The following COL4A6 variants were observed in gnomAD, a reference collection of about 807,000 sequenced individuals.
The protein encoded by COL4A6 is collagen type IV alpha 6 chain, also known as collagen alpha-6(IV) chain.
Under a neutral mutation model 126.7 loss-of-function variants are expected in COL4A6, and 59 were observed. The observed-to-expected ratio is 0.47, with a 90% confidence interval of 0.38 to 0.58. The LOEUF (loss-of-function observed/expected upper bound fraction) is 0.58, where lower values mean the gene tolerates loss of function less well. COL4A6 is among the 20% of genes least tolerant of loss of function. The pLI is 0.00. For synonymous variants in COL4A6, 547 were observed against 496.6 expected, an observed-to-expected ratio of 1.10 and a Z score of -1.35; for missense variants, 1,285 against 1,337.3, an observed-to-expected ratio of 0.96 and a Z score of 0.61.
At chrX:108,366,293 C>G (rs1450835192) in intron 2 of COL4A6, among the ~76,000 whole-genome samples, 1 of 111,745 alleles carries the variant, frequency 8.9e-6, no homozygotes, top group Non-Finnish European at 1.9e-5. Flanking sequence ...TCAAGGTTAT[C>G]CAAATTTGGA....
At chrX:108,298,178 TG>T (rs1213901618) in intron 3 of COL4A6, among the ~76,000 whole-genome samples, 1 of 110,441 alleles carries the variant, frequency 9.1e-6, no homozygotes, top group South Asian at 4.0e-4. Flanking sequence ...ATACTTTTGT[TG>T]GGGGGAATGA....
intron 3 of COL4A6, among the ~76,000 whole-genome samples, chrX:108,224,729 G>C: frequency 8.9e-6 from 1 of 112,073 alleles, no homozygotes. Context: ...TGTGCTTATA[G>C]CTGTATGATC....
At chrX:108,167,717 T>C (rs1266412870) in intron 37 of COL4A6, among the ~76,000 whole-genome samples, 3 of 110,773 alleles carry the variant, frequency 2.7e-5, no homozygotes, top group Non-Finnish European at 3.8e-5. Context: ...CCTGTGGGGG[T>C]GGGGTGGGGC....
chrX:108,214,010 G>A (rs1271431008), intron 6 of COL4A6, 102 bp downstream of exon 6: 10 of 643,594 alleles, frequency 1.6e-5, no homozygotes, highest in Non-Finnish European at 2.3e-5. Context: ...GTGTGTAGTG[G>A]CTGCCCCACA....
chrX:108,227,713 C>T (rs767574185), intron 3 of COL4A6, among the ~76,000 whole-genome samples: 8 of 111,679 alleles, frequency 7.2e-5, no homozygotes, highest in Middle Eastern at 4.7e-3. Flanking sequence ...TAGCAGGCTT[C>T]GGAGAGAATA....
intron 41 of COL4A6, among the ~76,000 whole-genome samples, 166 bp downstream of exon 41, chrX:108,162,726 G>C (rs1408006029): frequency 1.8e-5 from 2 of 111,801 alleles, no homozygotes; most frequent in African/African-American, 3.3e-5. Flanking sequence ...CACCCTGCTG[G>C]TCCTGCTGGC....
At chrX:108,283,286 A>G (rs1462302695) in intron 3 of COL4A6, among the ~76,000 whole-genome samples, 5 of 111,987 alleles carry the variant, frequency 4.5e-5, no homozygotes, top group Non-Finnish European at 9.4e-5. Flanking sequence ...CTAGATGATA[A>G]CTAAAGGTCC....
chrX:108,359,518 T>G (rs2040035859), intron 2 of COL4A6, among the ~76,000 whole-genome samples: 1 of 112,799 alleles, frequency 8.9e-6, no homozygotes, highest in Non-Finnish European at 1.9e-5. Flanking sequence ...AGATTCATGA[T>G]TATGTCTATC....
intron 2 of COL4A6, among the ~76,000 whole-genome samples, chrX:108,391,029 G>A (rs1016674198): frequency 1.8e-5 from 2 of 111,286 alleles, no homozygotes; most frequent in African/African-American, 3.3e-5. Context: ...CTGTTTTCCC[G>A]GGTATCACCA....
chrX:108,412,386 A>G (rs916134107), intron 2 of COL4A6, among the ~76,000 whole-genome samples: 3 of 111,978 alleles, frequency 2.7e-5, no homozygotes, highest in African/African-American at 9.7e-5. Flanking sequence ...TCTCACTGGA[A>G]ATTTGAACAT....
At chrX:108,240,105 T>C (rs1268401429) in intron 3 of COL4A6, among the ~76,000 whole-genome samples, 2 of 110,892 alleles carry the variant, frequency 1.8e-5, no homozygotes, top group Admixed American at 9.6e-5. Flanking sequence ...TAGTTGGGCG[T>C]GGTGGTGGGC....
intron 13 of COL4A6, among the ~76,000 whole-genome samples, chrX:108,202,242 T>C (rs1044072154): frequency 8.9e-6 from 1 of 111,935 alleles, no homozygotes; most frequent in African/African-American, 3.2e-5. Flanking sequence ...TCATCTTTTA[T>C]ATATATGAAC....
At chrX:108,309,864 T>G (rs866532757) in intron 3 of COL4A6, among the ~76,000 whole-genome samples, 14 of 105,196 alleles carry the variant, frequency 1.3e-4, no homozygotes, top group African/African-American at 3.8e-4. Flanking sequence ...GGATCATCCC[T>G]AGTCCAAAAA....
At chrX:108,276,629 C>T (rs1363525826) in intron 3 of COL4A6, among the ~76,000 whole-genome samples, 1 of 111,881 alleles carries the variant, frequency 8.9e-6, no homozygotes, top group Non-Finnish European at 1.9e-5. Flanking sequence ...AAACTACATC[C>T]CTTACTGATC....
At chrX:108,418,120 G>GCTT (rs1239659411) in intron 2 of COL4A6, among the ~76,000 whole-genome samples, 1 of 111,882 alleles carries the variant, frequency 8.9e-6, no homozygotes, top group Non-Finnish European at 1.9e-5. Context: ...AAGCAATGGT[G>GCTT]CTTTTCTAGC....
At chrX:108,315,477 T>C (rs2038861624) in intron 2 of COL4A6, among the ~76,000 whole-genome samples, 2 of 112,098 alleles carry the variant, frequency 1.8e-5, no homozygotes, top group Non-Finnish European at 3.8e-5. Flanking sequence ...TGGCCTGAAG[T>C]GATCCTCCCA....
chrX:108,192,498 A>T lies in COL4A6; in HGVS notation c.1155T>A (p.Gly385=), dbSNP rs2035079614. ...CTGATAATGCTGGCAATCCAGGGAC[A>T]CCAGAAGGGCCACGTAGGCCTTGGA... ...EGIQGLRGPS[G]VPGLPALSGV... The change falls in exon 18 of 45, where the codon GGT becomes GGA. Residue 385 remains glycine, a synonymous_variant. Transcript: ENST00000334504. The T allele has an allele frequency of 8.3e-7, 1 of 1,207,590 alleles. No individual in the cohort carries two copies. The highest frequency in any genetic ancestry group is 1.7e-5 in the African/African-American group (1 of 57,341).
intron 3 of COL4A6, among the ~76,000 whole-genome samples, chrX:108,232,510 A>C (rs1569369877): frequency 8.9e-6 from 1 of 111,975 alleles, no homozygotes; most frequent in East Asian, 2.8e-4. Context: ...TTTACTTGGG[A>C]TGAATTTAAC....
At chrX:108,321,555 T>C (rs1395281288) in intron 2 of COL4A6, among the ~76,000 whole-genome samples, 1 of 111,556 alleles carries the variant, frequency 9.0e-6, no homozygotes, top group African/African-American at 3.3e-5. Flanking sequence ...ATAATTCTTA[T>C]AACTACTTTT....
Sources: allele counts gnomAD v4.1 joint callset (sites outside exome capture counted in the v4.1 genomes callset), GRCh38; gene constraint gnomAD v4.1.1; transcripts MANE v1.5; gene names NCBI Gene and HGNC (gene_info 2026-07-23, HGNC 2026-07-21).